PLA2G12B: variants seen among roughly 807,000 people sequenced by gnomAD.
The protein encoded by PLA2G12B is group XIIB secretory phospholipase A2-like protein.
A neutral mutation model predicts 22.3 loss-of-function variants in PLA2G12B; 19 were observed. The observed-to-expected ratio is 0.85, with a 90% CI of 0.60 to 1.25. PLA2G12B has a LOEUF of 1.25. Among genes scored for constraint, PLA2G12B ranks in the 50% most tolerant of loss-of-function variants. The pLI, the probability that PLA2G12B is intolerant of heterozygous loss-of-function variation, is 0.00. For missense variants in PLA2G12B, 191 were observed against 246.6 expected, an observed-to-expected ratio of 0.77 and a Z score of 1.51; for synonymous variants, 81 against 94.9, an observed-to-expected ratio of 0.85 and a Z score of 0.85.
chr10:72,936,931 T>C (rs1043316932), intron 3 of PLA2G12B, among the ~76,000 whole-genome samples: 1 of 152,226 alleles, frequency 6.6e-6, no homozygotes, highest in Non-Finnish European at 1.5e-5. Context: ...CCGGGCACGG[T>C]GGCTTACGCC....
chr10:72,937,497 G>A (rs1369438905), intron 3 of PLA2G12B, among the ~76,000 whole-genome samples: 2 of 152,098 alleles, frequency 1.3e-5, no homozygotes. Flanking sequence ...TCCTTTCTAA[G>A]CTTTTTAAAA....
At chr10:72,943,386 C>A (rs1053109545) in intron 1 of PLA2G12B, among the ~76,000 whole-genome samples, 1 of 152,126 alleles carries the variant, frequency 6.6e-6, no homozygotes, top group African/African-American at 2.4e-5. Context: ...CCACACACCA[C>A]TCAAAGAACA....
chr10:72,941,074 G>C, intron 3 of PLA2G12B, 95 bp downstream of exon 3: 1 of 1,325,164 alleles, frequency 7.5e-7, no homozygotes. Context: ...AGTGAGCTCT[G>C]ATGATCTCTT....
intron 3 of PLA2G12B, among the ~76,000 whole-genome samples, chr10:72,935,981 C>T (rs977886726): frequency 6.6e-6 from 1 of 152,092 alleles, no homozygotes; most frequent in African/African-American, 2.4e-5. Flanking sequence ...CAACCAGAAC[C>T]CCCCACACCA....
In PLA2G12B at chr10:72,935,667, T is replaced by A; in HGVS notation, c.538A>T (p.Ser180Cys). 4 of 1,614,204 alleles carry A rather than the reference T, an allele frequency of 2.5e-6. No individual in the cohort carries two copies. Among genetic ancestry groups the A allele is most frequent in the Non-Finnish European group, 3.4e-6 (4 of 1,180,028 alleles). Residue 180 changes from serine (S) to cysteine (C), a missense_variant, in exon 4 of 4, where the codon AGT becomes TGT. Ser to Cys is a moderately radical substitution (Grantham distance 112, BLOSUM62 -1). Coordinates refer to ENST00000373032, the MANE Select transcript of PLA2G12B (RefSeq NM_032562.5). ...GCACAGATGCAAGCTGCCCGCTGAC[T>A]ATTCATAAAGGGGCGGCAGCCCAAG... Reference protein sequence around the residue: ...WTLGCRPFMNSQRAACICAEE... With the variant: ...WTLGCRPFMNCQRAACICAEE...
rs764696641 is a variant in PLA2G12B at position 72,935,604 on chromosome 10, A to G, written c.*13T>C. On this transcript the variant is annotated 3_prime_UTR_variant, in exon 4 of 4. Coordinates refer to ENST00000373032, the MANE Select transcript of PLA2G12B (RefSeq NM_032562.5). ...GTGGTGTCACTCAAAACCAGGAAGG[A>G]ATCACTTCTTCCTCATAACTCTTCC... 1 of 1,613,630 alleles carries G rather than the reference A, an allele frequency of 6.2e-7. No individual in the cohort carries two copies. The highest frequency in any genetic ancestry group is 8.5e-7 in the Non-Finnish European group (1 of 1,179,752).
chr10:72,951,606 C>T (rs528843104), intron 1 of PLA2G12B, among the ~76,000 whole-genome samples: 10 of 151,872 alleles, frequency 6.6e-5, no homozygotes, highest in South Asian at 2.1e-4. Flanking sequence ...TACTGGCACC[C>T]GCCACTACAC....
Position 72,935,292 on chromosome 10 carries a change from A to T in PLA2G12B, c.*325T>A, listed in dbSNP as rs1056652576. On this transcript the variant is annotated 3_prime_UTR_variant, in exon 4 of 4. Coordinates refer to ENST00000373032, the MANE Select transcript of PLA2G12B (RefSeq NM_032562.5). ...GGCTGGACTCCCCACAATTTCACTC[A>T]TGAATATAACTATCAGGTCCAGGAA... 1 of 204,048 alleles carries T rather than the reference A, an allele frequency of 4.9e-6. No homozygotes were observed. The highest frequency in any genetic ancestry group is 2.3e-5 in the African/African-American group (1 of 43,474). 12.6% of individuals were successfully genotyped at this position (204,048 alleles called of 1,614,324 possible).
At chr10:72,944,853 T>C (rs2132973092) in intron 1 of PLA2G12B, among the ~76,000 whole-genome samples, 1 of 152,314 alleles carries the variant, frequency 6.6e-6, no homozygotes, top group South Asian at 2.1e-4. Flanking sequence ...AACACATCCA[T>C]ATTACCTGTA....
rs930252391 is a variant in PLA2G12B, at chr10:72,943,614, A to G, written c.212-874T>C. ...CAGCTTTGAATTTCTGTTTTTTAAG[A>G]TCTTTCAAATGTGTAGAGAGAAGCT... On this transcript the variant is annotated intron_variant, in intron 1 of 3. Coordinates refer to ENST00000373032, the MANE Select transcript of PLA2G12B (RefSeq NM_032562.5). Among the ~76,000 whole-genome samples, 8 of 152,292 alleles carry G rather than the reference A, an allele frequency of 5.3e-5. 1 individual carries two copies. The highest frequency in any genetic ancestry group is 1.3e-4 in the Admixed American group (2 of 15,294).
chr10:72,941,393 AC>A, intron 2 of PLA2G12B, 59 bp from the exon 3 acceptor site: 1 of 1,504,578 alleles, frequency 6.6e-7, no homozygotes. Context: ...TAGACTAAGG[AC>A]CTTAGGCAAC....
chr10:72,949,996 A>G (rs77057067), intron 1 of PLA2G12B, among the ~76,000 whole-genome samples: 4 of 87,814 alleles, frequency 4.6e-5, no homozygotes. Flanking sequence ...AAAATTCCAG[A>G]AAAAAAAAAA....
intron 1 of PLA2G12B, among the ~76,000 whole-genome samples, chr10:72,943,112 T>C (rs957641378): frequency 1.3e-5 from 2 of 151,908 alleles, no homozygotes; most frequent in Admixed American, 1.3e-4. Context: ...ATTACAGGCA[T>C]GTGTCACCAC....
chr10:72,939,844 G>C (rs1159809494), intron 3 of PLA2G12B, among the ~76,000 whole-genome samples: 4 of 152,232 alleles, frequency 2.6e-5, no homozygotes, highest in Non-Finnish European at 5.9e-5. Flanking sequence ...TCATCCGTAA[G>C]GAGGAGGAAT....
Position 72,941,085 on chromosome 10 carries a change from C to T in PLA2G12B, c.466+84G>A, listed in dbSNP as rs1019333786. 1.6e-5 allele frequency: 22 copies of T among 1,386,490 alleles called. No individual in the cohort carries two copies. The South Asian group carries it at 1.6e-4, about 10-fold the overall frequency. The allele number at this position is 1,386,490 out of a possible 1,614,324, so 85.9% of individuals were successfully genotyped here. A position where few individuals can be genotyped will look rare whatever the true frequency, so the allele number is the denominator to read the frequency against. The stretch of plus-strand genomic sequence containing the variant: ...ATTCAGTGAGCTCTGATGATCTCTT[C>T]GAGTCAAGGGGTTCTGGCTATATCT... On this transcript the variant is annotated intron_variant, in intron 3 of 3. Transcript: ENST00000373032.
intron 2 of PLA2G12B, among the ~76,000 whole-genome samples, chr10:72,941,663 T>C (rs550204497): frequency 3.9e-5 from 6 of 152,314 alleles, no homozygotes; most frequent in South Asian, 2.1e-4. Context: ...AGCAGAACCA[T>C]AGGGCTTCTA....
chr10:72,939,586 G>A (rs1227507528), intron 3 of PLA2G12B, among the ~76,000 whole-genome samples: 2 of 151,840 alleles, frequency 1.3e-5, no homozygotes, highest in Non-Finnish European at 2.9e-5. Context: ...CTAATATCCC[G>A]TGATAAAAAC....
At chr10:72,946,445 T>C (rs1005007481) in intron 1 of PLA2G12B, among the ~76,000 whole-genome samples, 5 of 152,084 alleles carry the variant, frequency 3.3e-5, no homozygotes, top group South Asian at 2.1e-4. Context: ...TGTGTGAACA[T>C]GTGTTTCATT....
At chr10:72,937,142 A>G (rs1019367620) in intron 3 of PLA2G12B, among the ~76,000 whole-genome samples, 7 of 151,718 alleles carry the variant, frequency 4.6e-5, no homozygotes, top group Non-Finnish European at 8.8e-5. Context: ...ACCCGGAGGC[A>G]GAGCTTGCAG....
Sources: allele counts gnomAD v4.1 joint callset (sites outside exome capture counted in the v4.1 genomes callset), GRCh38; gene constraint gnomAD v4.1.1; transcripts MANE v1.5; gene names NCBI Gene and HGNC (gene_info 2026-07-23, HGNC 2026-07-21).